Variants in TRMT1L observed in about 807,000 individuals in gnomAD.
The protein encoded by TRMT1L is tRNA (guanine(27)-N(2))-dimethyltransferase.
In TRMT1L, 28 loss-of-function variants were observed where a neutral mutation model predicts 81.6. That is an observed-to-expected ratio of 0.34 (90% CI 0.25 to 0.47). The LOEUF is 0.47. Ranked by LOEUF, TRMT1L falls within the 20% of genes least tolerant of loss-of-function variation. The pLI is 1.00. For missense variants in TRMT1L, 739 were observed against 877.1 expected (o/e 0.84, Z 1.99); for synonymous variants, 301 against 303.2 (o/e 0.99, Z 0.07).
At chr1:185,123,742 A>T in intron 13 of TRMT1L, 115 bp downstream of exon 13, 3 of 643,238 alleles carry the variant, frequency 4.7e-6, no homozygotes, top group Non-Finnish European at 7.7e-6. Flanking sequence ...TTGTCATATA[A>T]TATGAAATGT....
chr1:185,136,688 G>GA (rs1652907730), intron 10 of TRMT1L, among the ~76,000 whole-genome samples: 1 of 152,162 alleles, frequency 6.6e-6, no homozygotes, highest in South Asian at 2.1e-4. Flanking sequence ...TTTGAGTAGG[G>GA]ATTGCCATCA....
intron 10 of TRMT1L, 68 bp downstream of exon 10, chr1:185,137,538 T>C: frequency 7.1e-7 from 1 of 1,409,424 alleles, no homozygotes; most frequent in South Asian, 1.2e-5. Flanking sequence ...ATATGTATAA[T>C]TAGGTATGTG....
intron 13 of TRMT1L, among the ~76,000 whole-genome samples, chr1:185,122,431 T>A (rs1364460799): frequency 6.6e-6 from 1 of 151,572 alleles, no homozygotes; most frequent in Non-Finnish European, 1.5e-5. Flanking sequence ...AAAAACAAAT[T>A]TTTTTTTTGA....
At chr1:185,151,383 G>A (rs769848366) in intron 2 of TRMT1L, among the ~76,000 whole-genome samples, 3 of 152,094 alleles carry the variant, frequency 2.0e-5, no homozygotes, top group Non-Finnish European at 4.4e-5. Context: ...CGCAGTCAGC[G>A]ATCTTGAGGA....
chr1:185,156,704 A>T lies in TRMT1L; in HGVS notation c.9T>A (p.Asn3Lys), dbSNP rs368113240. Residue 3 changes from asparagine to lysine, a missense_variant, in exon 1 of 15, where the codon AAT becomes AAA. Asn to Lys is a moderately conservative substitution (Grantham distance 94). This residue lies in a region of TRMT1L where 209 missense variants were observed against 165.4 expected (regional missense o/e 1.26). Transcript: ENST00000367506. ...GGGGCAGCAGCTCCTCCTCCGCCATATTCTCCATAGTTACCGCCTCCGTGC... is the reference window on the plus strand; with the variant it reads ...GGGGCAGCAGCTCCTCCTCCGCCATTTTCTCCATAGTTACCGCCTCCGTGC... Reference protein sequence around the residue: MENMAEEELLPLE... With the variant: MEKMAEEELLPLE... 1.2e-5 allele frequency: 19 copies of T among 1,612,552 alleles called. No individual in the cohort carries two copies. In the East Asian group the frequency reaches 1.8e-4, roughly 15 times the overall value.
At position 185,133,358 on chromosome 1, in the gene TRMT1L, C is replaced by T. The variant is rs141980826; in HGVS notation, c.1513+4248G>A. On this transcript the variant is annotated intron_variant, in intron 10 of 14. Coordinates refer to ENST00000367506, the MANE Select transcript of TRMT1L (RefSeq NM_030934.5). ...GATTACTGGTATGAGCCACCATGCC[C>T]GGATTCATATGGTTTATCTGTACTG... Among the ~76,000 whole-genome samples, 888 of 152,086 alleles carry T rather than the reference C, an allele frequency of 5.8e-3. 4 individuals are homozygous for T. Among genetic ancestry groups the T allele is most frequent in the Non-Finnish European group, 0.01 (695 of 67,976 alleles).
Position 185,119,812 on chromosome 1 carries a change from T to C in TRMT1L, c.*207A>G, listed in dbSNP as rs1652451627. Reference sequence around the variant, plus strand: ...TTCATATGAAATGTTTCCATTAAAATTTTAAGTTTGCCTTAAAACAAAAAA... The same window carrying C: ...TTCATATGAAATGTTTCCATTAAAACTTTAAGTTTGCCTTAAAACAAAAAA... On this transcript the variant is annotated 3_prime_UTR_variant, in exon 15 of 15. Coordinates refer to ENST00000367506, the MANE Select transcript of TRMT1L (RefSeq NM_030934.5). 1 of 495,840 alleles carries C rather than the reference T, an allele frequency of 2.0e-6. No homozygotes were observed. The highest frequency in any genetic ancestry group is 1.9e-5 in the African/African-American group (1 of 51,834). 30.7% of individuals were successfully genotyped at this position (495,840 alleles called of 1,614,324 possible).
chr1:185,132,775 A>G (rs576511376), intron 10 of TRMT1L, among the ~76,000 whole-genome samples: 6 of 152,190 alleles, frequency 3.9e-5, no homozygotes, highest in Non-Finnish European at 8.8e-5. Context: ...TTTGAGGAAA[A>G]AATGATTTCC....
chr1:185,153,033 C>T (rs887771427), intron 1 of TRMT1L, among the ~76,000 whole-genome samples: 8 of 152,036 alleles, frequency 5.3e-5, no homozygotes, highest in African/African-American at 1.9e-4. Flanking sequence ...AAGCCAAGAC[C>T]CAGTCTTACC....
In TRMT1L at chr1:185,124,995, T is replaced by TACA. The variant is rs746163322; in HGVS notation, c.1705_1707dup (p.Cys569dup). On this transcript the variant is annotated inframe_insertion, in exon 12 of 15. Transcript: ENST00000367506. ...TGAATTGAAAACTGACTTTGAGGCG[T>TACA]ACACTCTGATTCAAAGATTAATGTC... 1 of 1,613,332 alleles carries TACA rather than the reference T, an allele frequency of 6.2e-7. No individual in the cohort carries two copies. The highest frequency in any genetic ancestry group is 8.5e-7 in the Non-Finnish European group (1 of 1,179,558).
At chr1:185,120,793 C>T (rs1652481931) in intron 13 of TRMT1L, 1 of 212,088 alleles carries the variant, frequency 4.7e-6, no homozygotes, top group African/African-American at 2.3e-5. Context: ...TCACTTCATA[C>T]ATTTCATTGT....
At chr1:185,120,296 AATAAT>A (rs1557982966) in intron 14 of TRMT1L, 25 bp from the exon 15 acceptor site, 1 of 1,507,496 alleles carries the variant, frequency 6.6e-7, no homozygotes, top group South Asian at 1.5e-5. Context: ...GGAAAGAAAA[AATAAT>A]CAGGTTCTTG....
chr1:185,147,512 T>C (rs981078812), intron 3 of TRMT1L, among the ~76,000 whole-genome samples: 1 of 152,178 alleles, frequency 6.6e-6, no homozygotes, highest in African/African-American at 2.4e-5. Context: ...ATCTGTTTTA[T>C]CTTGGATTAG....
In TRMT1L at chr1:185,134,036, C is replaced by T. The variant is rs73066944; in HGVS notation, c.1513+3570G>A. 4.1e-3 allele frequency among the ~76,000 whole-genome samples: 622 copies of T among 152,056 alleles called. 5 individuals carry two copies. The highest frequency in any genetic ancestry group is 0.014 in the African/African-American group (585 of 41,466). ...TTTAAAAAGCCAAATACTCTTTTTCCATGGAAGGAAGTTAGATGCATTATA... is the reference window on the plus strand; with the variant it reads ...TTTAAAAAGCCAAATACTCTTTTTCTATGGAAGGAAGTTAGATGCATTATA... On this transcript the variant is annotated intron_variant, in intron 10 of 14. Transcript: ENST00000367506.
chr1:185,139,514 A>G lies in TRMT1L; in HGVS notation c.1175T>C (p.Leu392Pro). ...TGTAGAAGTCACTGACACTATGCCA[A>G]GGTTTCTTATATTTCTGAATGCAGA... ...LDSAFRNIRNLGIVSVTSTDI... is the reference protein window; with the variant it reads ...LDSAFRNIRNPGIVSVTSTDI... Residue 392 changes from leucine (L) to proline (P), a missense_variant, in exon 9 of 15, where the codon CTT (leucine) becomes CCT (proline). Physicochemically the swap from Leu to Pro is moderately conservative, Grantham distance 98 (BLOSUM62 -3). Coordinates refer to ENST00000367506, the MANE Select transcript of TRMT1L (RefSeq NM_030934.5). 1 of 1,614,094 alleles carries G rather than the reference A, an allele frequency of 6.2e-7. No homozygotes were observed. The highest frequency in any genetic ancestry group is 8.5e-7 in the Non-Finnish European group (1 of 1,180,004).
chr1:185,145,331 C>A (rs1215173211), intron 5 of TRMT1L, 108 bp downstream of exon 5: 2 of 1,239,328 alleles, frequency 1.6e-6, no homozygotes, highest in Admixed American at 4.3e-5. Context: ...TGAACTAAAT[C>A]ATTTGGTTAA....
At chr1:185,141,915 G>A (rs1021200960) in intron 7 of TRMT1L, among the ~76,000 whole-genome samples, 2 of 152,126 alleles carry the variant, frequency 1.3e-5, no homozygotes, top group Admixed American at 6.6e-5. Flanking sequence ...ACAAACTGGA[G>A]GAGAGAAATG....
At chr1:185,129,001 G>A (rs1652704894) in intron 10 of TRMT1L, among the ~76,000 whole-genome samples, 1 of 151,998 alleles carries the variant, frequency 6.6e-6, no homozygotes, top group South Asian at 2.1e-4. Context: ...CTCTGAAGTA[G>A]GTACTGTTAA....
chr1:185,133,981 A>G (rs12035073), intron 10 of TRMT1L, among the ~76,000 whole-genome samples: 15,162 of 152,150 alleles, frequency 0.1, 977 homozygotes, highest in East Asian at 0.25. Context: ...CCAACGTGGA[A>G]GGGGGAAAGC....
Sources: allele counts gnomAD v4.1 joint callset (sites outside exome capture counted in the v4.1 genomes callset), GRCh38; gene constraint gnomAD v4.1.1; regional missense constraint gnomAD v4.1.1; transcripts MANE v1.5; gene names NCBI Gene and HGNC (gene_info 2026-07-23, HGNC 2026-07-21).